UCK2: variants seen among roughly 807,000 people sequenced by gnomAD.
The protein encoded by UCK2 is uridine-cytidine kinase 2.
In UCK2, 6 loss-of-function variants were observed where a neutral mutation model predicts 30.8. The ratio of observed to expected loss-of-function variants is 0.19; its 90% CI spans 0.11 to 0.38. The LOEUF (loss-of-function observed/expected upper bound fraction) is 0.38, where lower values mean the gene tolerates loss of function less well. Ranked by LOEUF, UCK2 falls within the 10% of genes least tolerant of loss-of-function variation. UCK2 has a pLI of 1.00. For synonymous variants in UCK2, 125 were observed against 133.6 expected (o/e 0.94, Z 0.45); for missense variants, 210 against 339.8 (o/e 0.62, Z 3.00).
rs140039626 is a variant in UCK2, at chr1:165,901,325, G to A, written c.500-1857G>A. Among the ~76,000 whole-genome samples, 413 of 152,314 alleles carry A rather than the reference G, an allele frequency of 2.7e-3. 2 individuals are homozygous for A. Among genetic ancestry groups the A allele is most frequent in the African/African-American group, 9.6e-3 (400 of 41,570 alleles). On this transcript the variant is annotated intron_variant, in intron 4 of 6. Transcript: ENST00000367879. ...AAAGTCGAATGGCAGCATCATTAGTGCCCAGCTTTCTGGAAATGTGGATTT... is the reference window on the plus strand; with the variant it reads ...AAAGTCGAATGGCAGCATCATTAGTACCCAGCTTTCTGGAAATGTGGATTT...
At chr1:165,869,998 T>C (rs1381956931) in intron 1 of UCK2, among the ~76,000 whole-genome samples, 3 of 152,046 alleles carry the variant, frequency 2.0e-5, no homozygotes, top group Non-Finnish European at 4.4e-5. Flanking sequence ...TTTTTTCTTT[T>C]GTTGCCTGTG....
chr1:165,891,268 T>C lies in UCK2; in HGVS notation c.302T>C (p.Ile101Thr), dbSNP rs779895130. 1 of 1,614,212 alleles carries C rather than the reference T, an allele frequency of 6.2e-7. No individual in the cohort carries two copies. The highest frequency in any genetic ancestry group is 1.3e-5 in the African/African-American group (1 of 75,070). Residue 101 changes from isoleucine (I) to threonine (T), a missense_variant, in exon 3 of 7, where the codon ATC becomes ACC. Physicochemically the swap from Ile to Thr is moderately conservative, Grantham distance 89. This residue lies in a region of UCK2 where 75 missense variants were observed against 124.7 expected (regional missense o/e 0.60). Transcript: ENST00000367879. ...CTCATTCTCAAAACACTCAAAGAAA[T>C]CACTGAAGGGAAAACAGTCCAGATC... Reference protein sequence around the residue: ...NELILKTLKEITEGKTVQIPV... With the variant: ...NELILKTLKETTEGKTVQIPV...
intron 2 of UCK2, chr1:165,890,708 C>T: frequency 3.4e-6 from 1 of 298,438 alleles, no homozygotes; most frequent in Non-Finnish European, 6.5e-6. Flanking sequence ...CCCTCCTCCT[C>T]AGGTGTACAT....
At chr1:165,898,346 G>A (rs1647338499) in intron 4 of UCK2, among the ~76,000 whole-genome samples, 2 of 152,234 alleles carry the variant, frequency 1.3e-5, no homozygotes, top group African/African-American at 4.8e-5. Context: ...GGATAGTTGT[G>A]AAGATGAGAG....
At chr1:165,833,683 C>G (rs1025232677) in intron 1 of UCK2, among the ~76,000 whole-genome samples, 2 of 152,178 alleles carry the variant, frequency 1.3e-5, no homozygotes, top group Non-Finnish European at 2.9e-5. Context: ...GGGAATTTCA[C>G]TGCTGAAGAC....
chr1:165,855,116 C>T (rs948127897), intron 1 of UCK2, among the ~76,000 whole-genome samples: 2 of 152,110 alleles, frequency 1.3e-5, no homozygotes, highest in Non-Finnish European at 2.9e-5. Flanking sequence ...TATGTTTCTC[C>T]CACCCACCTT....
At chr1:165,858,065 G>T (rs1654794941) in intron 1 of UCK2, among the ~76,000 whole-genome samples, 1 of 152,126 alleles carries the variant, frequency 6.6e-6, no homozygotes, top group South Asian at 2.1e-4. Context: ...TTTCCTTTCA[G>T]ACCATTACAA....
chr1:165,836,977 G>C (rs1004505890), intron 1 of UCK2, among the ~76,000 whole-genome samples: 32 of 152,134 alleles, frequency 2.1e-4, no homozygotes, highest in Admixed American at 1.0e-3. Context: ...AGGAGGGGGA[G>C]GGAAGTGCCT....
Position 165,871,180 on chromosome 1 carries a change from C to T in UCK2, c.100-19024C>T, listed in dbSNP as rs149350382. ...AGTGAATTTTTTGTGTGTGCGTGTG[C>T]GTTTGCTTATTGTACCCATTTCTCA... On this transcript the variant is annotated intron_variant, in intron 1 of 6. Transcript: ENST00000367879. 3.6e-4 allele frequency among the ~76,000 whole-genome samples: 55 copies of T among 152,038 alleles called. 1 individual carries two copies. The highest frequency in any genetic ancestry group is 1.3e-3 in the African/African-American group (55 of 41,470).
At chr1:165,869,350 T>TA (rs200210623) in intron 1 of UCK2, among the ~76,000 whole-genome samples, 41 of 151,096 alleles carry the variant, frequency 2.7e-4, no homozygotes, top group East Asian at 7.7e-4. Context: ...CTTCAATTTG[T>TA]AAAAAAAACG....
chr1:165,827,850 A>G lies in UCK2; in HGVS notation c.17A>G (p.Glu6Gly). The G allele has an allele frequency of 6.8e-7, 1 of 1,470,642 alleles. No individual in the cohort carries two copies. The highest frequency in any genetic ancestry group is 9.1e-7 in the Non-Finnish European group (1 of 1,103,778). 91.1% of individuals were successfully genotyped at this position (1,470,642 alleles called of 1,614,324 possible). The change falls in exon 1 of 7, where the codon GAG becomes GGG. Residue 6 changes from glutamate (E) to glycine (G), a missense_variant. Physicochemically the swap from Glu to Gly is moderately conservative, Grantham distance 98 (BLOSUM62 -2). Transcript: ENST00000367879. ...GCGCGAACCATGGCCGGGGACAGCG[A>G]GCAGACCCTGCAGAACCACCAGCAG... is the stretch of plus-strand genomic sequence containing the variant. MAGDS[E>G]QTLQNHQQPN...
chr1:165,834,530 C>A (rs749513148), intron 1 of UCK2, among the ~76,000 whole-genome samples: 12 of 152,098 alleles, frequency 7.9e-5, no homozygotes, highest in Non-Finnish European at 1.6e-4. Context: ...TATAAAGAAC[C>A]ATATAAAGCC....
intron 4 of UCK2, among the ~76,000 whole-genome samples, chr1:165,902,127 T>G (rs1487978206): frequency 1.3e-5 from 2 of 152,048 alleles, no homozygotes; most frequent in Non-Finnish European, 2.9e-5. Context: ...TCTCAGCTAC[T>G]CGGGAGGCTG....
chr1:165,905,529 T>A (rs999807232), intron 5 of UCK2, among the ~76,000 whole-genome samples: 7 of 152,036 alleles, frequency 4.6e-5, no homozygotes, highest in Admixed American at 4.6e-4. Context: ...AAAGCTAAAT[T>A]CTTGTAATGT....
chr1:165,892,644 G>A (rs1260387617), intron 3 of UCK2: 1 of 152,212 alleles, frequency 6.6e-6, no homozygotes, highest in Non-Finnish European at 1.5e-5. Context: ...AAGTGGTGGT[G>A]GTGTCACGTT....
intron 1 of UCK2, among the ~76,000 whole-genome samples, chr1:165,880,308 G>T (rs1343745934): frequency 6.6e-6 from 1 of 152,116 alleles, no homozygotes; most frequent in Non-Finnish European, 1.5e-5. Flanking sequence ...CAGTAAACAG[G>T]TCCCTAGCAA....
At chr1:165,878,160 CT>C (rs1476794412) in intron 1 of UCK2, among the ~76,000 whole-genome samples, 1 of 152,194 alleles carries the variant, frequency 6.6e-6, no homozygotes, top group Non-Finnish European at 1.5e-5. Flanking sequence ...CCCCTAACCC[CT>C]GGCAACCACT....
chr1:165,853,595 C>T (rs899090389), intron 1 of UCK2, among the ~76,000 whole-genome samples: 41 of 151,946 alleles, frequency 2.7e-4, no homozygotes, highest in Admixed American at 2.4e-3. Context: ...TTCTTCACCT[C>T]AGTGCTTCCC....
At chr1:165,876,156 C>G (rs967814929) in intron 1 of UCK2, among the ~76,000 whole-genome samples, 2 of 152,166 alleles carry the variant, frequency 1.3e-5, no homozygotes, top group Non-Finnish European at 2.9e-5. Context: ...CATCCTCTTG[C>G]TTTTTAAAAT....
Sources: allele counts gnomAD v4.1 joint callset (sites outside exome capture counted in the v4.1 genomes callset), GRCh38; gene constraint gnomAD v4.1.1; regional missense constraint gnomAD v4.1.1; transcripts MANE v1.5; gene names NCBI Gene and HGNC (gene_info 2026-07-23, HGNC 2026-07-21).